AGAP3: variants seen among roughly 807,000 people sequenced by gnomAD.
The protein encoded by AGAP3 is ArfGAP with GTPase domain, ankyrin repeat and PH domain 3.
A neutral mutation model predicts 96.9 loss-of-function variants in AGAP3; 24 were observed. The ratio of observed to expected loss-of-function variants is 0.25; its 90% CI spans 0.18 to 0.35. The LOEUF (loss-of-function observed/expected upper bound fraction) is 0.35. AGAP3 is among the 10% of genes least tolerant of loss of function. The probability of loss-of-function intolerance (pLI) is 1.00; values close to 1 mark genes in which losing one functional copy is unlikely to be tolerated. For synonymous variants in AGAP3, 563 were observed against 536.1 expected (o/e 1.05, Z -0.69); for missense variants, 876 against 1,254.2 (o/e 0.70, Z 4.55).
rs551368893 is a variant in AGAP3, at chr7:151,137,347, G to A, written c.1496-796G>A. 2.6e-5 allele frequency among the ~76,000 whole-genome samples: 4 copies of A among 152,366 alleles called. No individual in the cohort carries two copies. In the South Asian group the frequency reaches 6.2e-4, roughly 24 times the overall value. On this transcript the variant is annotated intron_variant, in intron 11 of 17. Coordinates refer to ENST00000397238, the MANE Select transcript of AGAP3 (RefSeq NM_031946.7). ...TTGAAGCACCTCAGGTTCGGCCCCC[G>A]TGTTCTTAGACCGCCTGGGGCCATT...
intron 1 of AGAP3, among the ~76,000 whole-genome samples, chr7:151,088,808 G>T (rs1798260449): frequency 6.6e-6 from 1 of 151,906 alleles, no homozygotes; most frequent in Admixed American, 6.6e-5. Context: ...GCGCCCTTGA[G>T]TTTTTTTTGC....
Position 151,100,319 on chromosome 7 carries a change from C to T in AGAP3, c.331+13247C>T, listed in dbSNP as rs28716681. On this transcript the variant is annotated intron_variant, in intron 1 of 17. Transcript: ENST00000397238. ...CCAAGAACCCTCCTGGCTTCCATGC[C>T]TGGGAGAGGCTTGGTGTGAGGTGCC... 3.5e-3 allele frequency among the ~76,000 whole-genome samples: 534 copies of T among 152,302 alleles called. 1 individual carries two copies. Among genetic ancestry groups the T allele is most frequent in the African/African-American group, 0.012 (509 of 41,554 alleles).
intron 1 of AGAP3, among the ~76,000 whole-genome samples, chr7:151,099,470 C>T (rs2150419054): frequency 6.6e-6 from 1 of 152,298 alleles, no homozygotes; most frequent in Non-Finnish European, 1.5e-5. Flanking sequence ...TTGCTGAATT[C>T]ACAGTAGTCT....
At chr7:151,107,616 C>T (rs1585055513) in intron 1 of AGAP3, among the ~76,000 whole-genome samples, 2 of 151,996 alleles carry the variant, frequency 1.3e-5, no homozygotes, top group Middle Eastern at 3.4e-3. Flanking sequence ...AAAATGAGAC[C>T]GTCTCAAAAA....
At chr7:151,103,901 G>A (rs944432130) in intron 1 of AGAP3, among the ~76,000 whole-genome samples, 2 of 152,162 alleles carry the variant, frequency 1.3e-5, no homozygotes, top group Admixed American at 1.3e-4. Context: ...GGTGTTTTCT[G>A]TCTTGTTCCT....
intron 11 of AGAP3, chr7:151,136,366 G>C (rs1055743494): frequency 6.6e-6 from 1 of 152,248 alleles, no homozygotes; most frequent in Non-Finnish European, 1.5e-5. Flanking sequence ...CCTCGCTCCT[G>C]TAATGACAGC....
rs1800822044 is a variant in AGAP3, at chr7:151,141,790, G to T, written c.1805-108G>T. On this transcript the variant is annotated intron_variant, in intron 13 of 17. Coordinates refer to ENST00000397238, the MANE Select transcript of AGAP3 (RefSeq NM_031946.7). This position sits in a 1 kb window ranked among gnomAD's most constrained non-coding sequence, Gnocchi z 4.2. Reference sequence around the variant, plus strand: ...CTTGCAGCTGGGGAAGGGTCTAGGGGAGGACACTTGCCAGTGGAGCAGGGT... The same window carrying T: ...CTTGCAGCTGGGGAAGGGTCTAGGGTAGGACACTTGCCAGTGGAGCAGGGT... 3.5e-6 allele frequency: 5 copies of T among 1,443,544 alleles called. No homozygotes were observed. Among genetic ancestry groups the T allele is most frequent in the Non-Finnish European group, 4.8e-6 (5 of 1,032,298 alleles). 89.4% of individuals were successfully genotyped at this position (1,443,544 alleles called of 1,614,324 possible).
intron 11 of AGAP3, chr7:151,136,611 C>T (rs1035355416): frequency 6.6e-6 from 1 of 152,164 alleles, no homozygotes; most frequent in East Asian, 1.9e-4. Flanking sequence ...GCATCAAATT[C>T]GACAATTACA....
Position 151,114,869 on chromosome 7 carries a change from C to A in AGAP3, c.332-1924C>A, listed in dbSNP as rs1323517024. The A allele has an allele frequency of 9.8e-7, 1 of 1,016,114 alleles. No individual in the cohort carries two copies. The highest frequency in any genetic ancestry group is 1.2e-6 in the Non-Finnish European group (1 of 852,784). 62.9% of individuals were successfully genotyped at this position (1,016,114 alleles called of 1,614,324 possible). ...TCTGCGACTCGCTGGACCTGCACGG[C>A]GCCTCGGCCGGCCGCGCTGCCGCCG... is the stretch of plus-strand genomic sequence containing the variant. On this transcript the variant is annotated intron_variant, in intron 1 of 17. Coordinates refer to ENST00000397238, the MANE Select transcript of AGAP3 (RefSeq NM_031946.7). This position sits in a 1 kb window ranked among gnomAD's most constrained non-coding sequence, Gnocchi z 4.4.
intron 1 of AGAP3, among the ~76,000 whole-genome samples, chr7:151,101,273 T>G (rs900837931): frequency 1.3e-5 from 2 of 152,172 alleles, no homozygotes; most frequent in African/African-American, 4.8e-5. Context: ...GGCAGGCACT[T>G]GAGGAAGCAG....
chr7:151,105,210 C>T (rs915033306), intron 1 of AGAP3, among the ~76,000 whole-genome samples: 1 of 152,186 alleles, frequency 6.6e-6, no homozygotes, highest in African/African-American at 2.4e-5. Context: ...ATTTTCCTCT[C>T]CTCATTCCAA....
intron 8 of AGAP3, chr7:151,123,309 T>TCA: frequency 1.2e-5 from 12 of 1,038,476 alleles, no homozygotes; most frequent in South Asian, 1.1e-4. Context: ...GGGCCTCTTC[T>TCA]GGCCTCTCTC....
intron 1 of AGAP3, among the ~76,000 whole-genome samples, chr7:151,088,757 C>G (rs1798258460): frequency 6.6e-6 from 1 of 152,178 alleles, no homozygotes; most frequent in Admixed American, 6.5e-5. Flanking sequence ...AGGGGAGCCT[C>G]TGGTTGAGCA....
At chr7:151,129,857 C>T (rs1800336491) in intron 10 of AGAP3, among the ~76,000 whole-genome samples, 2 of 152,236 alleles carry the variant, frequency 1.3e-5, no homozygotes, top group Non-Finnish European at 2.9e-5. Flanking sequence ...TTACTGTGTA[C>T]ACAGCCCTAC....
intron 1 of AGAP3, among the ~76,000 whole-genome samples, chr7:151,089,421 G>C (rs756788959): frequency 1.3e-5 from 2 of 152,062 alleles, no homozygotes; most frequent in Non-Finnish European, 2.9e-5. Context: ...GCTGGGAGCC[G>C]GGTCCTGTGT....
chr7:151,095,371 G>C (rs1484178962), intron 1 of AGAP3, among the ~76,000 whole-genome samples: 1 of 152,186 alleles, frequency 6.6e-6, no homozygotes, highest in Non-Finnish European at 1.5e-5. Flanking sequence ...GTACCTTAGG[G>C]CTTTGTGCCT....
chr7:151,122,658 G>A lies in AGAP3; in HGVS notation c.1129-1136G>A, dbSNP rs546410171. The A allele has an allele frequency of 6.9e-6, 11 of 1,598,250 alleles. No individual in the cohort carries two copies. In the South Asian group the frequency reaches 1.1e-4, roughly 16 times the overall value. ...GGCGCCTGGGTCTCTGCCCTCACCG[G>A]TGCTGACCGACTTGTGCGGGGCTTG... On this transcript the variant is annotated intron_variant, in intron 8 of 17. Transcript: ENST00000397238.
chr7:151,117,035 C>T (rs1259334875), intron 2 of AGAP3, 60 bp from the exon 3 acceptor site: 6 of 1,551,960 alleles, frequency 3.9e-6, no homozygotes, highest in Non-Finnish European at 5.3e-6. Flanking sequence ...GCTTTTCCTG[C>T]TGGGTCTTCT....
Position 151,101,442 on chromosome 7 carries a change from G to T in AGAP3, c.331+14370G>T, listed in dbSNP as rs370619947. 3.3e-5 allele frequency among the ~76,000 whole-genome samples: 5 copies of T among 152,322 alleles called. No individual in the cohort carries two copies. The East Asian group carries it at 9.7e-4, about 29-fold the overall frequency. ...GGTCTGTGTAGGAGCCTCTTGCCTG[G>T]GTTCCTAAAGGTCTCAAGCTGCTGG... On this transcript the variant is annotated intron_variant, in intron 1 of 17. Transcript: ENST00000397238.
Sources: allele counts gnomAD v4.1 joint callset (sites outside exome capture counted in the v4.1 genomes callset), GRCh38; gene constraint gnomAD v4.1.1; non-coding constraint Gnocchi (gnomAD v3.1); transcripts MANE v1.5; gene names NCBI Gene and HGNC (gene_info 2026-07-23, HGNC 2026-07-21).